RELCH: variants seen among roughly 807,000 people sequenced by gnomAD.
RELCH encodes the protein RAB11 binding and LisH domain, coiled-coil and HEAT repeat containing.
In RELCH, 41 loss-of-function variants were observed where a neutral mutation model predicts 150.3. The ratio of observed to expected loss-of-function variants is 0.27; its 90% confidence interval spans 0.21 to 0.35. The LOEUF is 0.35. RELCH is among the 10% of genes least tolerant of loss of function. RELCH has a pLI of 1.00. For missense variants in RELCH, 1,092 were observed against 1,467.8 expected (o/e 0.74, Z 4.18); for synonymous variants, 478 against 531.8 (o/e 0.90, Z 1.39).
intron 27 of RELCH, among the ~76,000 whole-genome samples, chr18:62,295,318 G>GTTTTT (rs201022051): frequency 7.8e-6 from 1 of 127,434 alleles, no homozygotes. Context: ...AGCCTGGTGT[G>GTTTTT]TTTTTTTTTT....
At chr18:62,234,753 C>T (rs758302778) in intron 10 of RELCH, 6 of 151,678 alleles carry the variant, frequency 4.0e-5, no homozygotes, top group Non-Finnish European at 8.8e-5. Context: ...TCTTTCAAGT[C>T]CTTTGACCAT....
At chr18:62,206,775 A>T (rs2039813808) in intron 1 of RELCH, among the ~76,000 whole-genome samples, 2 of 151,954 alleles carry the variant, frequency 1.3e-5, no homozygotes, top group Non-Finnish European at 2.9e-5. Flanking sequence ...AGCTGTCATG[A>T]CTTGCCTGCT....
chr18:62,202,011 G>A (rs917557214), intron 1 of RELCH, among the ~76,000 whole-genome samples: 6 of 152,134 alleles, frequency 3.9e-5, no homozygotes, highest in South Asian at 2.1e-4. Flanking sequence ...CAATCTGCAC[G>A]ACTGTGTATA....
At chr18:62,209,595 C>T (rs529978503) in intron 1 of RELCH, among the ~76,000 whole-genome samples, 2 of 150,350 alleles carry the variant, frequency 1.3e-5, no homozygotes, top group East Asian at 3.9e-4. Context: ...TTCAGCTATT[C>T]TGAGACTTTT....
intron 11 of RELCH, among the ~76,000 whole-genome samples, chr18:62,250,924 C>G (rs755820693): frequency 5.3e-5 from 8 of 152,172 alleles, no homozygotes; most frequent in Admixed American, 2.6e-4. Context: ...TTTAAAACAT[C>G]TATTAAAAAT....
intron 5 of RELCH, among the ~76,000 whole-genome samples, chr18:62,225,405 C>T (rs180813741): frequency 3.3e-5 from 5 of 151,678 alleles, no homozygotes; most frequent in East Asian, 1.9e-4. Context: ...ATGAGAAGAC[C>T]GAGAGGGTGA....
In RELCH at chr18:62,303,653, G is replaced by A. The variant is rs9949815; in HGVS notation, c.3531-1761G>A. On this transcript the variant is annotated intron_variant, in intron 28 of 28. Transcript: ENST00000644646. ...AAAGGCACCATAGGACTTCAGCTGG[G>A]CTTTGAAAGATGGGTAGGCAGTGGA... Among the ~76,000 whole-genome samples the A allele has an allele frequency of 3.5e-3, 538 of 152,334 alleles. 4 individuals are homozygous for A. Among genetic ancestry groups the A allele is most frequent in the African/African-American group, 0.013 (527 of 41,574 alleles).
intron 2 of RELCH, among the ~76,000 whole-genome samples, chr18:62,212,407 G>A (rs1361633642): frequency 1.3e-5 from 2 of 152,114 alleles, no homozygotes; most frequent in East Asian, 1.9e-4. Flanking sequence ...GGAACAAAAG[G>A]GATGCCACAT....
At chr18:62,190,294 A>T (rs558465786) in intron 1 of RELCH, among the ~76,000 whole-genome samples, 1 of 152,292 alleles carries the variant, frequency 6.6e-6, no homozygotes, top group African/African-American at 2.4e-5. Flanking sequence ...AATACAGAAC[A>T]TCGGCAGGGT....
Position 62,264,789 on chromosome 18 carries a change from T to C in RELCH, c.2568T>C (p.His856=). Residue 856 remains histidine, a synonymous_variant, in exon 18 of 29, where the codon CAT becomes CAC. Transcript: ENST00000644646. ...ATGTTACTTCAACTGCCTGTGTCCA[T>C]GAATTCTCCAGATTTTTCTGGCGCC... is the stretch of plus-strand genomic sequence containing the variant. ...KINVTSTACV[H]EFSRFFWRLC... 6.2e-7 allele frequency: 1 copy of C among 1,609,522 alleles called. No individual in the cohort carries two copies. The highest frequency in any genetic ancestry group is 8.5e-7 in the Non-Finnish European group (1 of 1,177,334).
intron 1 of RELCH, among the ~76,000 whole-genome samples, chr18:62,194,844 C>T (rs570836323): frequency 6.6e-6 from 1 of 152,212 alleles, no homozygotes; most frequent in East Asian, 1.9e-4. Flanking sequence ...ATTCAGAATA[C>T]TTCAGAACAA....
intron 11 of RELCH, among the ~76,000 whole-genome samples, chr18:62,247,713 A>T (rs1328616315): frequency 6.6e-6 from 1 of 151,826 alleles, no homozygotes; most frequent in Non-Finnish European, 1.5e-5. Context: ...TGCCTGGCTA[A>T]TGGTTGTATT....
At chr18:62,268,812 T>G in intron 19 of RELCH, 57 bp from the exon 20 acceptor site, 1 of 899,216 alleles carries the variant, frequency 1.1e-6, no homozygotes, top group Non-Finnish European at 1.6e-6. Context: ...CATTATGATT[T>G]TTTTCTTTAC....
At chr18:62,244,632 A>G in intron 10 of RELCH, 132 bp from the exon 11 acceptor site, 1 of 576,544 alleles carries the variant, frequency 1.7e-6, no homozygotes, top group Non-Finnish European at 3.1e-6. Flanking sequence ...CAACCTTACA[A>G]AATTAAAATT....
At chr18:62,248,600 A>G (rs2042540546) in intron 11 of RELCH, among the ~76,000 whole-genome samples, 1 of 152,098 alleles carries the variant, frequency 6.6e-6, no homozygotes, top group African/African-American at 2.4e-5. Flanking sequence ...TTTCTCCTAA[A>G]CATTCCCCTT....
intron 7 of RELCH, 34 bp downstream of exon 7, chr18:62,227,723 T>G: frequency 9.0e-7 from 1 of 1,111,834 alleles, no homozygotes. Flanking sequence ...AAAAATCCTC[T>G]TAAGGTGTTT....
chr18:62,279,948 C>A, intron 23 of RELCH, 92 bp downstream of exon 23: 1 of 768,386 alleles, frequency 1.3e-6, no homozygotes, highest in Non-Finnish European at 2.2e-6. Flanking sequence ...ATTGAAGAAT[C>A]TCTTTAAATT....
intron 13 of RELCH, among the ~76,000 whole-genome samples, chr18:62,257,191 C>T (rs1302477164): frequency 6.6e-6 from 1 of 151,934 alleles, no homozygotes; most frequent in Non-Finnish European, 1.5e-5. Flanking sequence ...AGAGGAGGAG[C>T]ATGAATTTGT....
At chr18:62,207,403 T>C (rs544088476) in intron 1 of RELCH, among the ~76,000 whole-genome samples, 65 of 152,376 alleles carry the variant, frequency 4.3e-4, no homozygotes, top group South Asian at 2.1e-3. Flanking sequence ...CATTTATCAA[T>C]GGACAGATAT....
Sources: gnomAD v4.1 joint callset for allele counts (sites outside exome capture counted in the v4.1 genomes callset) on GRCh38, gnomAD v4.1.1 for gene constraint, MANE v1.5 for transcripts, NCBI Gene and HGNC (gene_info 2026-07-23, HGNC 2026-07-21) for gene names.